Variants in FNIP1 observed in about 807,000 individuals in gnomAD.
The protein encoded by FNIP1 is folliculin-interacting protein 1.
FNIP1 carries 40 observed loss-of-function variants against 124.5 expected under a neutral mutation model. The observed-to-expected ratio is 0.32, with a 90% CI of 0.25 to 0.42. The LOEUF (loss-of-function observed/expected upper bound fraction) is 0.42. FNIP1 is among the 10% of genes least tolerant of loss of function. The pLI, the probability that FNIP1 is intolerant of heterozygous loss-of-function variation, is 1.00. For missense variants in FNIP1, 1,176 were observed against 1,403.7 expected, an observed-to-expected ratio of 0.84 and a Z score of 2.59; for synonymous variants, 472 against 470.6, an observed-to-expected ratio of 1.00 and a Z score of -0.04.
intron 11 of FNIP1, among the ~76,000 whole-genome samples, chr5:131,682,629 A>G (rs917534661): frequency 6.6e-6 from 1 of 152,046 alleles, no homozygotes; most frequent in Non-Finnish European, 1.5e-5. Context: ...AGGCACAAGA[A>G]TCACTTGAAC....
Position 131,642,276 on chromosome 5 carries a change from G to A in FNIP1, c.*2409C>T, listed in dbSNP as rs1348354461. ...TTTGCGTAAGGAAAGAATGACTATG[G>A]TGAAGGTAATAGAAATTATAGAAGG... On this transcript the variant is annotated 3_prime_UTR_variant, in exon 18 of 18. Transcript: ENST00000510461. 2 of 152,716 alleles carry A rather than the reference G, an allele frequency of 1.3e-5. No individual in the cohort carries two copies. The highest frequency in any genetic ancestry group is 4.8e-5 in the African/African-American group (2 of 41,430). The allele number at this position is 152,716 out of a possible 1,614,324, so 9.5% of individuals were successfully genotyped here. A position where few individuals can be genotyped will look rare whatever the true frequency, so the allele number is the denominator to read the frequency against.
At chr5:131,652,280 G>C (rs1486138547) in intron 15 of FNIP1, among the ~76,000 whole-genome samples, 1 of 152,172 alleles carries the variant, frequency 6.6e-6, no homozygotes, top group Non-Finnish European at 1.5e-5. Flanking sequence ...TCATTAATTT[G>C]ACAAATGTAT....
At chr5:131,661,467 CAG>C (rs1484167447) in intron 15 of FNIP1, among the ~76,000 whole-genome samples, 1 of 152,062 alleles carries the variant, frequency 6.6e-6, no homozygotes, top group Non-Finnish European at 1.5e-5. Flanking sequence ...TCAAAGATGA[CAG>C]GGGCACACTA....
In FNIP1 at chr5:131,661,220, T is replaced by TGTGTGTGTGTGTGTGTG. The variant is rs1554092139; in HGVS notation, c.3109-9222_3109-9221insCACACACACACACACAC. On this transcript the variant is annotated intron_variant, in intron 15 of 17. Transcript: ENST00000510461. ...ACCTTCTGTCCGTCTTGTCTTTGTT[T>TGTGTGTGTGTGTGTGTG]TGTGTGTGTGTGTGTGTGTGTGTGT... is the stretch of plus-strand genomic sequence containing the variant. Among the ~76,000 whole-genome samples the TGTGTGTGTGTGTGTGTG allele has an allele frequency of 8.2e-3, 1,210 of 147,714 alleles. 11 individuals are homozygous for TGTGTGTGTGTGTGTGTG. The highest frequency in any genetic ancestry group is 0.011 in the Non-Finnish European group (746 of 67,012).
At chr5:131,713,269 A>G (rs940883588) in intron 6 of FNIP1, among the ~76,000 whole-genome samples, 2 of 152,200 alleles carry the variant, frequency 1.3e-5, no homozygotes, top group South Asian at 2.1e-4. Flanking sequence ...GATGGTGTCA[A>G]TCTCCCGGCC....
intron 1 of FNIP1, among the ~76,000 whole-genome samples, chr5:131,792,661 G>A (rs1290963322): frequency 6.6e-6 from 1 of 152,148 alleles, no homozygotes; most frequent in Non-Finnish European, 1.5e-5. Flanking sequence ...CGCCACAGTG[G>A]AAAACTTCAC....
chr5:131,732,838 G>T (rs1178791374), intron 2 of FNIP1, among the ~76,000 whole-genome samples: 6 of 152,080 alleles, frequency 3.9e-5, no homozygotes, highest in African/African-American at 7.2e-5. Context: ...ATATGAACTT[G>T]AAAGTAGTTT....
chr5:131,694,097 T>C (rs1049200969), intron 11 of FNIP1, among the ~76,000 whole-genome samples: 1 of 152,150 alleles, frequency 6.6e-6, no homozygotes, highest in Non-Finnish European at 1.5e-5. Context: ...TGTAGAGCAA[T>C]AGGAACTCTC....
intron 4 of FNIP1, 86 bp downstream of exon 4, chr5:131,719,231 G>T: frequency 8.0e-7 from 1 of 1,255,364 alleles, no homozygotes; most frequent in Non-Finnish European, 1.1e-6. Context: ...AGCTCAATCT[G>T]AGTGAAGATC....
chr5:131,789,249 G>C (rs78397770), intron 1 of FNIP1, among the ~76,000 whole-genome samples: 1 of 152,148 alleles, frequency 6.6e-6, no homozygotes, highest in Non-Finnish European at 1.5e-5. Flanking sequence ...GTGGTTACAA[G>C]AGGCTGGGAC....
chr5:131,661,879 G>A (rs1767452019), intron 15 of FNIP1, among the ~76,000 whole-genome samples: 1 of 152,204 alleles, frequency 6.6e-6, no homozygotes, highest in Non-Finnish European at 1.5e-5. Flanking sequence ...AAAAGGATCT[G>A]TGAGAGGCTA....
chr5:131,694,273 A>G (rs1002346402), intron 11 of FNIP1, among the ~76,000 whole-genome samples: 1 of 152,242 alleles, frequency 6.6e-6, no homozygotes, highest in African/African-American at 2.4e-5. Context: ...AAACATGAAT[A>G]TTTATGGCAG....
intron 7 of FNIP1, 70 bp downstream of exon 7, chr5:131,710,508 C>A: frequency 7.0e-7 from 1 of 1,436,960 alleles, no homozygotes; most frequent in South Asian, 1.2e-5. Flanking sequence ...TCTCTTGTTT[C>A]CACAGCTTAA....
chr5:131,732,732 C>A (rs779087475), intron 2 of FNIP1, among the ~76,000 whole-genome samples: 2 of 152,120 alleles, frequency 1.3e-5, no homozygotes, highest in Non-Finnish European at 2.9e-5. Context: ...GTTACTGTAG[C>A]CTTATAGTAT....
chr5:131,763,314 C>CACACAA (rs1040511410), intron 1 of FNIP1, among the ~76,000 whole-genome samples: 1 of 87,848 alleles, frequency 1.1e-5, no homozygotes, highest in African/African-American at 3.3e-5. Flanking sequence ...CACACACACA[C>CACACAA]ACACACACAC....
chr5:131,782,799 T>C (rs112743515), intron 1 of FNIP1, among the ~76,000 whole-genome samples: 15,800 of 152,200 alleles, frequency 0.1, 1,926 homozygotes, highest in African/African-American at 0.3. Flanking sequence ...ACTGTAGATG[T>C]GGTGGAAATA....
chr5:131,727,087 A>G (rs1435997284), intron 3 of FNIP1, among the ~76,000 whole-genome samples: 1 of 152,176 alleles, frequency 6.6e-6, no homozygotes, highest in Non-Finnish European at 1.5e-5. Flanking sequence ...CAATTTTAGA[A>G]TAAGTGTGAT....
intron 11 of FNIP1, among the ~76,000 whole-genome samples, chr5:131,692,851 T>TA (rs775840920): frequency 5.9e-5 from 9 of 151,510 alleles, no homozygotes; most frequent in Non-Finnish European, 1.2e-4. Context: ...CTACTAAAAA[T>TA]ACAAAAATTA....
chr5:131,673,823 A>G (rs1023589068), intron 13 of FNIP1, among the ~76,000 whole-genome samples: 2 of 151,962 alleles, frequency 1.3e-5, no homozygotes, highest in Non-Finnish European at 2.9e-5. Flanking sequence ...ATCACTTGAG[A>G]CCAGGAGTTC....
Sources: gnomAD v4.1 joint callset for allele counts (sites outside exome capture counted in the v4.1 genomes callset) on GRCh38, gnomAD v4.1.1 for gene constraint, MANE v1.5 for transcripts, NCBI Gene and HGNC (gene_info 2026-07-23, HGNC 2026-07-21) for gene names.